The following ERG variants were observed in gnomAD, a reference collection of about 807,000 sequenced individuals.
ERG encodes transcriptional regulator ERG.
In ERG, 9 loss-of-function variants were observed where a neutral mutation model predicts 55.3. The observed-to-expected ratio is 0.16, with a 90% CI of 0.10 to 0.28. The LOEUF (loss-of-function observed/expected upper bound fraction) is 0.28, where lower values mean the gene tolerates loss of function less well. Ranked by LOEUF, ERG falls within the 10% of genes least tolerant of loss-of-function variation. ERG has a pLI of 1.00. For synonymous variants in ERG, 223 were observed against 237.3 expected (o/e 0.94, Z 0.55); for missense variants, 434 against 631.6 (o/e 0.69, Z 3.35).
chr21:38,459,568 T>C (rs2059021696), intron 1 of ERG, among the ~76,000 whole-genome samples: 1 of 152,204 alleles, frequency 6.6e-6, no homozygotes, highest in African/African-American at 2.4e-5. Context: ...ATGTAGCCAT[T>C]TTAATCACCC....
upstream of ERG, among the ~76,000 whole-genome samples, chr21:38,585,546 T>TG (rs2060058596): frequency 7.0e-6 from 1 of 142,838 alleles, no homozygotes; most frequent in Non-Finnish European, 1.5e-5. Context: ...TTTTTTTTTT[T>TG]TTTTTTTTTT....
At chr21:38,506,682 T>C (rs1321227883) in intron 2 of ERG, among the ~76,000 whole-genome samples, 1 of 152,194 alleles carries the variant, frequency 6.6e-6, no homozygotes, top group Non-Finnish European at 1.5e-5. Context: ...TACTTAAAAA[T>C]ATCTGCAGTA....
chr21:38,655,320 A>G (rs2060512238), intron 1 of ERG, among the ~76,000 whole-genome samples: 1 of 152,062 alleles, frequency 6.6e-6, no homozygotes, highest in Non-Finnish European at 1.5e-5. Context: ...CAGAATTCCA[A>G]GCCTTCATTG....
chr21:38,367,397 G>T, the ERG span, among the ~76,000 whole-genome samples: 5 of 152,174 alleles, frequency 3.3e-5, no homozygotes, highest in Non-Finnish European at 7.4e-5. Flanking sequence ...TTTCAGTTAA[G>T]ATGTTGACCA....
chr21:38,593,672 T>C (rs1190456242), intron 1 of ERG, among the ~76,000 whole-genome samples: 2 of 152,226 alleles, frequency 1.3e-5, no homozygotes, highest in African/African-American at 4.8e-5. Context: ...TCTGAGGTTA[T>C]ATATAAAATA....
intron 1 of ERG, among the ~76,000 whole-genome samples, chr21:38,576,167 C>A (rs2059993258): frequency 6.6e-6 from 1 of 152,246 alleles, no homozygotes; most frequent in Admixed American, 6.5e-5. Flanking sequence ...TCTGCACATC[C>A]TTTTCAGCTT....
chr21:38,407,153 A>G (rs887574256), intron 3 of ERG, among the ~76,000 whole-genome samples: 2 of 152,196 alleles, frequency 1.3e-5, no homozygotes, highest in African/African-American at 4.8e-5. Context: ...AATTTATCCT[A>G]AGGAAATAAT....
chr21:38,568,498 C>T (rs1297822976), intron 2 of ERG, among the ~76,000 whole-genome samples: 1 of 152,122 alleles, frequency 6.6e-6, no homozygotes, highest in Admixed American at 6.5e-5. Flanking sequence ...GGCCCCAGCA[C>T]ACTCATAAAA....
chr21:38,611,111 G>A (rs1165091509), intron 1 of ERG, among the ~76,000 whole-genome samples: 1 of 152,010 alleles, frequency 6.6e-6, no homozygotes, highest in South Asian at 2.1e-4. Context: ...TCTTCTCCTC[G>A]TGCCACGCAT....
At chr21:38,453,150 C>A in intron 1 of ERG, among the ~76,000 whole-genome samples, 1 of 152,226 alleles carries the variant, frequency 6.6e-6, no homozygotes, top group East Asian at 1.9e-4. Flanking sequence ...TGCAGTCATA[C>A]TACCAAAGAG....
intron 2 of ERG, among the ~76,000 whole-genome samples, chr21:38,556,666 C>G (rs1228271626): frequency 6.6e-6 from 1 of 152,094 alleles, no homozygotes; most frequent in East Asian, 1.9e-4. Flanking sequence ...GGTCTACATG[C>G]AATCTTCCAT....
intron 2 of ERG, among the ~76,000 whole-genome samples, chr21:38,439,214 T>C (rs1391298109): frequency 2.0e-5 from 3 of 152,200 alleles, no homozygotes; most frequent in Non-Finnish European, 4.4e-5. Context: ...GTGATCTGGC[T>C]GGCCTGAGCT....
chr21:38,552,990 C>A (rs1042820694), intron 2 of ERG, among the ~76,000 whole-genome samples: 14 of 150,638 alleles, frequency 9.3e-5, no homozygotes, highest in Admixed American at 8.0e-4. Flanking sequence ...AATTTCACAA[C>A]GTTTTAGGAT....
chr21:38,371,377 AT>A, the ERG span, among the ~76,000 whole-genome samples: 1 of 152,022 alleles, frequency 6.6e-6, no homozygotes, highest in East Asian at 1.9e-4. Context: ...TACCATTTTT[AT>A]TTCTTTTTTC....
At chr21:38,642,087 C>T (rs2060428544) in intron 1 of ERG, among the ~76,000 whole-genome samples, 1 of 152,218 alleles carries the variant, frequency 6.6e-6, no homozygotes, top group African/African-American at 2.4e-5. Flanking sequence ...GAATACTAGA[C>T]AGTTTAAAAG....
intron 2 of ERG, among the ~76,000 whole-genome samples, chr21:38,515,967 C>G (rs2059548633): frequency 6.6e-6 from 1 of 151,838 alleles, no homozygotes; most frequent in Non-Finnish European, 1.5e-5. Context: ...AAACTAGGTA[C>G]AGAAGAAACA....
chr21:38,628,919 G>A (rs994210579), intron 1 of ERG, among the ~76,000 whole-genome samples: 2 of 152,174 alleles, frequency 1.3e-5, no homozygotes, highest in Admixed American at 1.3e-4. Context: ...GAGGACTAGG[G>A]CCTCCCCAGT....
At chr21:38,479,319 G>A (rs747610873) in intron 1 of ERG, among the ~76,000 whole-genome samples, 19 of 152,110 alleles carry the variant, frequency 1.2e-4, no homozygotes, top group Admixed American at 6.6e-5. Context: ...ATGGGCAACC[G>A]TTGTTTGTTG....
chr21:38,615,007 A>G (rs1209478548), intron 1 of ERG, among the ~76,000 whole-genome samples: 1 of 152,244 alleles, frequency 6.6e-6, no homozygotes, highest in Non-Finnish European at 1.5e-5. Flanking sequence ...GGCAAAGATT[A>G]CATCACTGCC....
Sources: allele counts gnomAD v4.1 joint callset (sites outside exome capture counted in the v4.1 genomes callset), GRCh38; gene constraint gnomAD v4.1.1; transcripts MANE v1.5; gene names NCBI Gene and HGNC (gene_info 2026-07-23, HGNC 2026-07-21).